Variants in TMEM143 observed in about 807,000 individuals in gnomAD.
The protein encoded by TMEM143 is transmembrane protein 143.
TMEM143 carries 45 observed loss-of-function variants against 40.3 expected under a neutral mutation model. The ratio of observed to expected loss-of-function variants is 1.12; its 90% CI spans 0.88 to 1.43. TMEM143 has a LOEUF of 1.43. Ranked by LOEUF, TMEM143 falls within the 40% of genes most tolerant of loss-of-function variation. TMEM143 has a pLI of 0.00. For missense variants in TMEM143, 620 were observed against 613.4 expected (o/e 1.01, Z -0.11); for synonymous variants, 299 against 282.7 (o/e 1.06, Z -0.58).
intron 6 of TMEM143, 45 bp from the exon 7 acceptor site, chr19:48,334,242 C>A: frequency 1.3e-6 from 2 of 1,538,914 alleles, no homozygotes; most frequent in Non-Finnish European, 1.7e-6. Context: ...GGGGTGCGCC[C>A]CCACCCATAC....
At chr19:48,351,182 C>A (rs34603534) in intron 3 of TMEM143, among the ~76,000 whole-genome samples, 2,311 of 152,208 alleles carry the variant, frequency 0.015, 30 homozygotes, top group Middle Eastern at 0.13. Flanking sequence ...ACCCACGATG[C>A]CCCAAACCTG....
chr19:48,358,081 AAT>A (rs1969950250), intron 3 of TMEM143, among the ~76,000 whole-genome samples: 1 of 152,086 alleles, frequency 6.6e-6, no homozygotes. Context: ...TGAAATAAAA[AAT>A]GTTTTAATTA....
At chr19:48,346,899 A>G (rs1432401047) in intron 3 of TMEM143, among the ~76,000 whole-genome samples, 1 of 152,108 alleles carries the variant, frequency 6.6e-6, no homozygotes, top group African/African-American at 2.4e-5. Flanking sequence ...CTTTTCAACC[A>G]GTATCCACAT....
At chr19:48,352,245 T>TAAAAAAAAAAAAA (rs1323662673) in intron 3 of TMEM143, among the ~76,000 whole-genome samples, 5 of 8,066 alleles carry the variant, frequency 6.2e-4, no homozygotes, top group South Asian at 3.7e-3. Context: ...AGACTCTGTC[T>TAAAAAAAAAAAAA]CAAAAAAAAA....
chr19:48,339,198 G>T (rs1179773487), intron 6 of TMEM143, among the ~76,000 whole-genome samples: 2 of 152,154 alleles, frequency 1.3e-5, no homozygotes, highest in Non-Finnish European at 2.9e-5. Flanking sequence ...GGGACAGGAA[G>T]GGTGGGCTGG....
chr19:48,349,039 A>T (rs1316765465), intron 3 of TMEM143, among the ~76,000 whole-genome samples: 1 of 152,072 alleles, frequency 6.6e-6, no homozygotes, highest in Non-Finnish European at 1.5e-5. Context: ...TATATATATA[A>T]AAATTAGCCA....
Position 48,343,311 on chromosome 19 carries a change from GC to G in TMEM143, c.695+9del. ...CTCTTGCTGCAGCTGGGGAACAAGG[GC>G]CGCCTCACCTCTCCGCAGGGGGCAG... On this transcript the variant is annotated intron_variant, in intron 5 of 7. Transcript: ENST00000293261. The G allele has an allele frequency of 6.2e-7, 1 of 1,608,246 alleles. No homozygotes were observed. Among genetic ancestry groups the G allele is most frequent in the South Asian group, 1.1e-5 (1 of 90,316 alleles).
chr19:48,332,590 T>TC lies in TMEM143; in HGVS notation c.*628dup, dbSNP rs1166758209. The stretch of plus-strand genomic sequence containing the variant: ...ACCTACCTAGCACAAGGTCTCCAAC[T>TC]CCTTCAGCCTAGACACCCTGATCAG... On this transcript the variant is annotated 3_prime_UTR_variant, in exon 8 of 8. Transcript: ENST00000293261. The TC allele has an allele frequency of 3.3e-5, 5 of 152,206 alleles. No homozygotes were observed. Among genetic ancestry groups the TC allele is most frequent in the Admixed American group, 1.3e-4 (2 of 15,278 alleles). The allele number at this position is 152,206 out of a possible 1,614,324, so 9.4% of individuals were successfully genotyped here.
rs777730522 is a variant in TMEM143, at chr19:48,363,635, G to A, written c.24-104C>T. 3.9e-5 allele frequency: 58 copies of A among 1,479,004 alleles called. No individual in the cohort carries two copies. In the African/African-American group the frequency reaches 8.2e-4, roughly 21 times the overall value. 91.6% of individuals were successfully genotyped at this position (1,479,004 alleles called of 1,614,324 possible). ...AGAAGCCGTCTCTACCCCAGGCAGG[G>A]CGCAGAGCCCATCCGCTCGCCTCAA... On this transcript the variant is annotated intron_variant, in intron 1 of 7. Coordinates refer to ENST00000293261, the MANE Select transcript of TMEM143 (RefSeq NM_018273.4).
intron 6 of TMEM143, among the ~76,000 whole-genome samples, chr19:48,339,136 G>A (rs1000014629): frequency 1.3e-5 from 2 of 152,276 alleles, no homozygotes; most frequent in Admixed American, 6.5e-5. Flanking sequence ...GAATGGGCTG[G>A]AAGGGACCAA....
chr19:48,355,555 TA>T (rs1175182804), intron 3 of TMEM143, among the ~76,000 whole-genome samples: 14 of 152,140 alleles, frequency 9.2e-5, no homozygotes. Flanking sequence ...AAGGAGTCAA[TA>T]AGCCAGACAC....
In TMEM143 at chr19:48,335,727, A is replaced by T. The variant is rs185850130; in HGVS notation, c.976-1530T>A. Reference sequence around the variant, plus strand: ...AACAAGAATGAAACTCTGCCTCAAAAAATAATAATAATAATAATTAGCTGG... The same window carrying T: ...AACAAGAATGAAACTCTGCCTCAAATAATAATAATAATAATAATTAGCTGG... On this transcript the variant is annotated intron_variant, in intron 6 of 7. Transcript: ENST00000293261. Among the ~76,000 whole-genome samples, 143 of 151,888 alleles carry T rather than the reference A, an allele frequency of 9.4e-4. 2 individuals are homozygous for T. The East Asian group carries it at 0.018, about 19-fold the overall frequency.
intron 6 of TMEM143, among the ~76,000 whole-genome samples, chr19:48,336,254 A>G (rs1216254342): frequency 6.6e-6 from 1 of 152,112 alleles, no homozygotes; most frequent in Non-Finnish European, 1.5e-5. Flanking sequence ...ACGGTGGTTC[A>G]TGCCTGTAAT....
intron 3 of TMEM143, among the ~76,000 whole-genome samples, chr19:48,348,056 T>C (rs1157532095): frequency 1.5e-5 from 2 of 136,238 alleles, no homozygotes; most frequent in Non-Finnish European, 3.2e-5. Context: ...AGAGAAAGAG[T>C]CAAGCCAAGA....
intron 3 of TMEM143, among the ~76,000 whole-genome samples, chr19:48,346,547 T>C (rs757347142): frequency 5.3e-5 from 8 of 152,108 alleles, no homozygotes; most frequent in Non-Finnish European, 1.0e-4. Flanking sequence ...AGGGCTTCTG[T>C]TCCCCAACTT....
chr19:48,363,150 A>G (rs2147393311), intron 2 of TMEM143, 141 bp downstream of exon 2: 2 of 1,211,822 alleles, frequency 1.7e-6, no homozygotes, highest in East Asian at 2.6e-5. Context: ...TCTCCCGCCC[A>G]CTAGGGAAAC....
Position 48,332,912 on chromosome 19 carries a change from G to A in TMEM143, c.*307C>T. ...AGCCAGAGCTGAGCAGCTGTGATTG[G>A]CAGACACCCTCAGCTCCTCAGCCAA... On this transcript the variant is annotated 3_prime_UTR_variant, in exon 8 of 8. Coordinates refer to ENST00000293261, the MANE Select transcript of TMEM143 (RefSeq NM_018273.4). 1 of 237,800 alleles carries A rather than the reference G, an allele frequency of 4.2e-6. No individual in the cohort carries two copies. Among genetic ancestry groups the A allele is most frequent in the Non-Finnish European group, 8.1e-6 (1 of 123,484 alleles). 14.7% of individuals were successfully genotyped at this position (237,800 alleles called of 1,614,324 possible). A position where few individuals can be genotyped will look rare whatever the true frequency, so the allele number is the denominator to read the frequency against.
intron 3 of TMEM143, 52 bp from the exon 4 acceptor site, chr19:48,345,406 T>C: frequency 7.4e-7 from 1 of 1,355,708 alleles, no homozygotes; most frequent in East Asian, 2.7e-5. Context: ...GCATGAAGGA[T>C]TCTAGGGACA....
intron 4 of TMEM143, 59 bp downstream of exon 4, chr19:48,345,101 A>G: frequency 6.4e-7 from 1 of 1,564,494 alleles, no homozygotes; most frequent in South Asian, 1.1e-5. Flanking sequence ...TGCCTCTCAG[A>G]GGCTCTGCCC....
Sources: allele counts gnomAD v4.1 joint callset (sites outside exome capture counted in the v4.1 genomes callset), GRCh38; gene constraint gnomAD v4.1.1; transcripts MANE v1.5; gene names NCBI Gene and HGNC (gene_info 2026-07-23, HGNC 2026-07-21).